Variants in MAP4K4 observed in about 807,000 individuals in gnomAD.
MAP4K4 encodes mitogen-activated protein kinase kinase kinase kinase 4.
MAP4K4 carries 38 observed loss-of-function variants against 189.6 expected under a neutral mutation model. That is an observed-to-expected ratio of 0.20 (90% confidence interval 0.15 to 0.26). The LOEUF (loss-of-function observed/expected upper bound fraction) is 0.26. MAP4K4 is among the 10% of genes least tolerant of loss of function. The pLI is 1.00. For synonymous variants in MAP4K4, 610 were observed against 624.3 expected, an observed-to-expected ratio of 0.98 and a Z score of 0.34; for missense variants, 1,054 against 1,726.9, an observed-to-expected ratio of 0.61 and a Z score of 6.91.
At chr2:101,844,174 C>T (rs1238457086) in exon 12 of MAP4K4, 2 of 1,611,904 alleles carry the variant, frequency 1.2e-6, no homozygotes, top group Admixed American at 3.3e-5. Context: ...GAACAAGGAA[C>T]GTTCCGAGGC....
At chr2:101,834,527 TCAAAAAGAA>T in intron 8 of MAP4K4, 64 bp downstream of exon 8, 1 of 1,308,110 alleles carries the variant, frequency 7.6e-7, no homozygotes, top group Non-Finnish European at 1.1e-6. Flanking sequence ...TCCCAAGACT[TCAAAAAGAA>T]CAGCTCAGCT....
intron 27 of MAP4K4, among the ~76,000 whole-genome samples, chr2:101,877,521 G>A (rs921040926): frequency 1.3e-5 from 2 of 149,762 alleles, no homozygotes; most frequent in Non-Finnish European, 3.0e-5. Flanking sequence ...GTGTCGCCAG[G>A]CTGGAGTGCA....
chr2:101,829,781 G>A (rs1037546304), intron 6 of MAP4K4, 187 bp downstream of exon 6: 7 of 522,808 alleles, frequency 1.3e-5, no homozygotes, highest in Non-Finnish European at 1.1e-5. Context: ...CCATGTTTGT[G>A]CCCCCCTGCC....
intron 3 of MAP4K4, among the ~76,000 whole-genome samples, chr2:101,821,295 G>A (rs899709860): frequency 1.3e-5 from 2 of 152,130 alleles, no homozygotes; most frequent in African/African-American, 4.8e-5. Flanking sequence ...ATATAGTTGT[G>A]CATCACTTAA....
At chr2:101,845,612 T>C (rs2097080968) in intron 12 of MAP4K4, among the ~76,000 whole-genome samples, 1 of 152,202 alleles carries the variant, frequency 6.6e-6, no homozygotes, top group Non-Finnish European at 1.5e-5. Context: ...GGTAAGTATT[T>C]GTATATGTAA....
chr2:101,777,584 C>T (rs1256472541), intron 2 of MAP4K4, among the ~76,000 whole-genome samples: 1 of 152,214 alleles, frequency 6.6e-6, no homozygotes, highest in Admixed American at 6.5e-5. Context: ...TCCCTGACCA[C>T]GCAGTGTAAA....
At chr2:101,834,540 C>A in intron 8 of MAP4K4, 77 bp downstream of exon 8, 3 of 1,141,928 alleles carry the variant, frequency 2.6e-6, no homozygotes, top group Non-Finnish European at 3.9e-6. Context: ...AAAAGAACAG[C>A]TCAGCTCCAT....
intron 2 of MAP4K4, among the ~76,000 whole-genome samples, chr2:101,790,500 A>G (rs2092687994): frequency 1.3e-5 from 2 of 152,250 alleles, no homozygotes; most frequent in African/African-American, 4.8e-5. Flanking sequence ...ATGCTTTATC[A>G]AAAACTCATT....
rs529506252 is a variant in MAP4K4, at chr2:101,731,759, A to G, written c.123+33221A>G. The stretch of plus-strand genomic sequence containing the variant: ...AAGGGAGACCCTGTCTGAAAAGGAA[A>G]AAAAAAAAAAGATGGAGGGGAGGGG... On this transcript the variant is annotated intron_variant, in intron 2 of 32. Coordinates refer to ENST00000324219, the Ensembl canonical transcript of MAP4K4. Among the ~76,000 whole-genome samples, 179 of 151,466 alleles carry G rather than the reference A, an allele frequency of 1.2e-3. 1 individual carries two copies. Among genetic ancestry groups the G allele is most frequent in the Non-Finnish European group, 1.7e-3 (117 of 67,854 alleles).
At chr2:101,868,868 A>C (rs1030178137) in intron 21 of MAP4K4, among the ~76,000 whole-genome samples, 2 of 152,004 alleles carry the variant, frequency 1.3e-5, no homozygotes, top group Non-Finnish European at 2.9e-5. Flanking sequence ...ATGAGGTAAA[A>C]TTCTAGATCA....
Position 101,858,990 on chromosome 2 carries a change from T to C in MAP4K4, c.1396-6T>C. On this transcript the variant is annotated splice_region_variant and splice_polypyrimidine_tract_variant and intron_variant, in intron 13 of 32. Transcript: ENST00000324219. The stretch of plus-strand genomic sequence containing the variant: ...ATTTGATTGCTGGGTGATTTCTGTG[T>C]GACAGGAGTATATCAGGCGACAGCT... 6.2e-7 allele frequency: 1 copy of C among 1,605,498 alleles called. No homozygotes were observed. Among genetic ancestry groups the C allele is most frequent in the East Asian group, 2.2e-5 (1 of 44,706 alleles).
chr2:101,719,196 T>C (rs2050252898), intron 2 of MAP4K4, among the ~76,000 whole-genome samples: 1 of 152,206 alleles, frequency 6.6e-6, no homozygotes, highest in African/African-American at 2.4e-5. Context: ...GCTCTTCATC[T>C]GTCTGGGTTG....
At chr2:101,776,108 C>A (rs1051193868) in intron 2 of MAP4K4, among the ~76,000 whole-genome samples, 1 of 152,148 alleles carries the variant, frequency 6.6e-6, no homozygotes, top group African/African-American at 2.4e-5. Flanking sequence ...CCCATCAAGC[C>A]GTAGTGGCAG....
rs183429493 is a variant in MAP4K4, at chr2:101,740,011, C to T, written c.123+41473C>T. Among the ~76,000 whole-genome samples the T allele has an allele frequency of 2.5e-3, 383 of 152,218 alleles. 2 individuals are homozygous for T. Among genetic ancestry groups the T allele is most frequent in the Middle Eastern group, 6.8e-3 (2 of 294 alleles). On this transcript the variant is annotated intron_variant, in intron 2 of 32. Coordinates refer to ENST00000324219, the Ensembl canonical transcript of MAP4K4. Reference sequence around the variant, plus strand: ...GAAGGGTGATGGAGAATTGTTGACACGTTTGCTTTTGGACATGTTGACCAC... The same window carrying T: ...GAAGGGTGATGGAGAATTGTTGACATGTTTGCTTTTGGACATGTTGACCAC...
At chr2:101,734,306 G>A (rs12614065) in intron 2 of MAP4K4, among the ~76,000 whole-genome samples, 9,227 of 152,224 alleles carry the variant, frequency 0.061, 368 homozygotes, top group East Asian at 0.11. Flanking sequence ...CTTTTACTGT[G>A]TAGAAGCTGA....
chr2:101,727,486 C>G (rs1246945158), intron 2 of MAP4K4, among the ~76,000 whole-genome samples: 1 of 152,104 alleles, frequency 6.6e-6, no homozygotes. Context: ...AAGATAAAGC[C>G]AATAATATCT....
At chr2:101,718,570 TG>T (rs1372602303) in intron 2 of MAP4K4, among the ~76,000 whole-genome samples, 1 of 23,176 alleles carries the variant, frequency 4.3e-5, no homozygotes, top group African/African-American at 1.7e-4. Context: ...AAGGTGGGGG[TG>T]GGGGGGTGGG....
intron 4 of MAP4K4, 47 bp from the exon 5 acceptor site, chr2:101,825,272 A>G (rs777464101): frequency 3.9e-6 from 5 of 1,272,208 alleles, no homozygotes; most frequent in South Asian, 2.6e-5. Context: ...GGTTTTCCCA[A>G]TTTCTCCAAG....
At position 101,860,248 on chromosome 2, in the gene MAP4K4, T is replaced by C. The variant is rs1388532338; in HGVS notation, c.1704+384T>C. 1.6e-5 allele frequency: 5 copies of C among 305,408 alleles called. No individual in the cohort carries two copies. In the Admixed American group the frequency reaches 2.2e-4, roughly 13 times the overall value. 18.9% of individuals were successfully genotyped at this position (305,408 alleles called of 1,614,324 possible). ...TGGCTCAACTTTCTGACTTTGCAGA[T>C]GTCAAGATGCCCTGCTAGATTGGTG... is the stretch of plus-strand genomic sequence containing the variant. On this transcript the variant is annotated intron_variant, in intron 15 of 32. Coordinates refer to ENST00000324219, the Ensembl canonical transcript of MAP4K4.
Sources: gnomAD v4.1 joint callset for allele counts (sites outside exome capture counted in the v4.1 genomes callset) on GRCh38, gnomAD v4.1.1 for gene constraint, MANE v1.5 for transcripts, NCBI Gene and HGNC (gene_info 2026-07-23, HGNC 2026-07-21) for gene names.